The following TSPAN5 variants were observed in gnomAD, a reference collection of about 807,000 sequenced individuals.
The protein encoded by TSPAN5 is tetraspanin-5.
Under a neutral mutation model 37.1 loss-of-function variants are expected in TSPAN5, and 10 were observed. The observed-to-expected ratio is 0.27, with a 90% CI of 0.17 to 0.46. TSPAN5 has a LOEUF of 0.46. TSPAN5 is among the 20% of genes least tolerant of loss of function. TSPAN5 has a pLI of 1.00. For missense variants in TSPAN5, 195 were observed against 326.6 expected, an observed-to-expected ratio of 0.60 and a Z score of 3.11; for synonymous variants, 110 against 118.9, an observed-to-expected ratio of 0.93 and a Z score of 0.48.
chr4:98,508,354 G>A (rs1029768866), intron 1 of TSPAN5, among the ~76,000 whole-genome samples: 4 of 152,056 alleles, frequency 2.6e-5, no homozygotes, highest in Non-Finnish European at 4.4e-5. Context: ...TGCATACACA[G>A]AGTATACAAC....
intron 1 of TSPAN5, among the ~76,000 whole-genome samples, chr4:98,616,449 A>AAG (rs1205319022): frequency 6.6e-6 from 1 of 152,136 alleles, no homozygotes; most frequent in East Asian, 1.9e-4. Context: ...GGGGAAGTTA[A>AAG]AGAGAGATCT....
chr4:98,570,967 G>A (rs367808315), intron 1 of TSPAN5, among the ~76,000 whole-genome samples: 1 of 151,348 alleles, frequency 6.6e-6, no homozygotes, highest in Non-Finnish European at 1.5e-5. Context: ...AGCCGAGATC[G>A]CGCCACTACG....
At chr4:98,512,190 C>T (rs1035950173) in intron 1 of TSPAN5, among the ~76,000 whole-genome samples, 7 of 151,198 alleles carry the variant, frequency 4.6e-5, no homozygotes, top group East Asian at 1.9e-4. Context: ...TACAGCCTGG[C>T]GACAGAGCAA....
At chr4:98,601,302 T>C (rs1755876438) in intron 1 of TSPAN5, among the ~76,000 whole-genome samples, 1 of 152,238 alleles carries the variant, frequency 6.6e-6, no homozygotes, top group Admixed American at 6.5e-5. Flanking sequence ...TTCTCCTCTC[T>C]AGCTATGAAA....
intron 1 of TSPAN5, among the ~76,000 whole-genome samples, chr4:98,632,298 G>C (rs914147840): frequency 6.6e-6 from 1 of 152,098 alleles, no homozygotes; most frequent in Non-Finnish European, 1.5e-5. Context: ...GTTTCAAGAA[G>C]ATAAATTATC....
At chr4:98,623,787 G>A (rs1756532470) in intron 1 of TSPAN5, among the ~76,000 whole-genome samples, 1 of 152,130 alleles carries the variant, frequency 6.6e-6, no homozygotes, top group African/African-American at 2.4e-5. Flanking sequence ...AAAATTCACT[G>A]TAATTCATTA....
At chr4:98,584,344 T>C (rs1755440306) in intron 1 of TSPAN5, among the ~76,000 whole-genome samples, 1 of 152,236 alleles carries the variant, frequency 6.6e-6, no homozygotes, top group African/African-American at 2.4e-5. Context: ...ACTCATTTCT[T>C]TTTATTTTAA....
intron 1 of TSPAN5, among the ~76,000 whole-genome samples, chr4:98,515,413 C>A (rs1004282269): frequency 6.6e-6 from 1 of 152,106 alleles, no homozygotes; most frequent in Non-Finnish European, 1.5e-5. Context: ...TCAACCTGCC[C>A]CTCCAACCCT....
chr4:98,576,765 G>A (rs939096734), intron 1 of TSPAN5, among the ~76,000 whole-genome samples: 16 of 149,622 alleles, frequency 1.1e-4, no homozygotes, highest in African/African-American at 3.8e-4. Context: ...ACTTTATTCT[G>A]TTTGTTTGTG....
rs192939999 is a variant in TSPAN5 at position 98,656,502 on chromosome 4, C to T, written c.81+1644G>A. ...CAGAATATCTTACTCAAAACCGTGG[C>T]TACCCACCACTTTTAAACATTTTCA... On this transcript the variant is annotated intron_variant, in intron 1 of 7. Transcript: ENST00000305798. 5.9e-4 allele frequency among the ~76,000 whole-genome samples: 90 copies of T among 152,330 alleles called. No homozygotes were observed. In the East Asian group the frequency reaches 0.014, roughly 23 times the overall value.
At chr4:98,496,729 A>C (rs1753221475) in intron 2 of TSPAN5, 1 of 152,278 alleles carries the variant, frequency 6.6e-6, no homozygotes, top group African/African-American at 2.4e-5. Context: ...GCGTGGAAAC[A>C]GCCACATGCA....
chr4:98,481,907 G>T, intron 4 of TSPAN5, 98 bp downstream of exon 4: 1 of 1,230,100 alleles, frequency 8.1e-7, no homozygotes. Context: ...TAGTCAGGTA[G>T]TTTCCAGCTG....
At chr4:98,479,176 C>T (rs958709588) in intron 4 of TSPAN5, among the ~76,000 whole-genome samples, 3 of 152,146 alleles carry the variant, frequency 2.0e-5, no homozygotes, top group African/African-American at 7.2e-5. Flanking sequence ...ACACTAACGA[C>T]AGTGGTAGTG....
At chr4:98,591,143 C>T (rs1755625133) in intron 1 of TSPAN5, among the ~76,000 whole-genome samples, 1 of 145,586 alleles carries the variant, frequency 6.9e-6, no homozygotes, top group South Asian at 2.2e-4. Context: ...GTAGGAAGTT[C>T]TAAAGTGTCA....
intron 1 of TSPAN5, among the ~76,000 whole-genome samples, chr4:98,561,051 A>G (rs1002095411): frequency 1.3e-5 from 2 of 152,360 alleles, no homozygotes; most frequent in Non-Finnish European, 2.9e-5. Context: ...GCTAGACCAC[A>G]TGTCTCAGCT....
intron 3 of TSPAN5, 119 bp from the exon 4 acceptor site, chr4:98,482,294 G>T: frequency 1.2e-6 from 1 of 827,240 alleles, no homozygotes; most frequent in African/African-American, 1.7e-5. Flanking sequence ...CATCTCCAAA[G>T]CAGATAATCT....
chr4:98,517,961 T>C (rs1379342079), intron 1 of TSPAN5, among the ~76,000 whole-genome samples: 2 of 152,222 alleles, frequency 1.3e-5, no homozygotes, highest in African/African-American at 2.4e-5. Flanking sequence ...AAGTTATCTA[T>C]AGACAAACAT....
chr4:98,655,103 C>T (rs763610928), intron 1 of TSPAN5, among the ~76,000 whole-genome samples: 9 of 152,210 alleles, frequency 5.9e-5, no homozygotes, highest in Admixed American at 1.3e-4. Flanking sequence ...CCTCAGCCTC[C>T]CAAAGTGCTG....
intron 1 of TSPAN5, among the ~76,000 whole-genome samples, chr4:98,566,705 C>T (rs781652400): frequency 2.0e-5 from 3 of 152,112 alleles, no homozygotes; most frequent in Non-Finnish European, 4.4e-5. Flanking sequence ...TGGAGGAGGG[C>T]GGGTGGCATA....
Sources: gnomAD v4.1 joint callset for allele counts (sites outside exome capture counted in the v4.1 genomes callset) on GRCh38, gnomAD v4.1.1 for gene constraint, MANE v1.5 for transcripts, NCBI Gene and HGNC (gene_info 2026-07-23, HGNC 2026-07-21) for gene names.